The following FN1 variants were observed in gnomAD, a reference collection of about 807,000 sequenced individuals.
FN1 encodes the protein fibronectin.
A neutral mutation model predicts 297.3 loss-of-function variants in FN1; 106 were observed. The ratio of observed to expected loss-of-function variants is 0.36; its 90% CI spans 0.30 to 0.42. The LOEUF (loss-of-function observed/expected upper bound fraction) is 0.42. Ranked by LOEUF, FN1 falls within the 10% of genes least tolerant of loss-of-function variation. The pLI is 1.00. For synonymous variants in FN1, 1,149 were observed against 1,152.6 expected (o/e 1.00, Z 0.06); for missense variants, 2,690 against 3,124.9 (o/e 0.86, Z 3.32).
intron 30 of FN1, 104 bp from the exon 31 acceptor site, chr2:215,383,587 C>G: frequency 8.6e-7 from 1 of 1,158,902 alleles, no homozygotes; most frequent in Non-Finnish European, 1.3e-6. Flanking sequence ...TGATCGCTTA[C>G]ATGAGAAAGG....
chr2:215,414,901 T>C lies in FN1; in HGVS notation c.1877A>G (p.His626Arg), dbSNP rs577131778. Reference sequence around the variant, plus strand: ...CTGTGGTGCATTCCACTGGATGGGGTGGGAGTTGGGCTGACTCGGAGTCTC... The same window carrying C: ...CTGTGGTGCATTCCACTGGATGGGGCGGGAGTTGGGCTGACTCGGAGTCTC... ...ITETPSQPNS[H>R]PIQWNAPQPS... Residue 626 changes from histidine (H) to arginine (R), a missense_variant, in exon 13 of 46, where the codon CAC becomes CGC. By Grantham distance (29) the His-to-Arg change is conservative. Transcript: ENST00000354785. The C allele has an allele frequency of 6.2e-7, 1 of 1,613,752 alleles. No homozygotes were observed. The highest frequency in any genetic ancestry group is 1.3e-5 in the African/African-American group (1 of 74,966).
chr2:215,405,160 G>GATA (rs1243177048), intron 19 of FN1, among the ~76,000 whole-genome samples: 1 of 152,200 alleles, frequency 6.6e-6, no homozygotes, highest in Non-Finnish European at 1.5e-5. Context: ...TTACAGTAAT[G>GATA]ATAACGTATC....
intron 34 of FN1, 91 bp downstream of exon 34, chr2:215,379,039 G>C (rs771493888): frequency 2.7e-5 from 30 of 1,111,278 alleles, no homozygotes; most frequent in Non-Finnish European, 4.1e-5. Context: ...AGAACAGTTA[G>C]ATTTATTATG....
chr2:215,370,053 A>C (rs2055540052), intron 41 of FN1, among the ~76,000 whole-genome samples: 1 of 152,174 alleles, frequency 6.6e-6, no homozygotes. Context: ...CCAGATCTAT[A>C]ATCATATCAC....
intron 22 of FN1, among the ~76,000 whole-genome samples, 161 bp downstream of exon 22, chr2:215,397,519 A>G (rs1029534591): frequency 1.3e-5 from 2 of 152,322 alleles, no homozygotes; most frequent in Admixed American, 1.3e-4. Context: ...CATGAATTGA[A>G]CCTGCTACTC....
intron 38 of FN1, among the ~76,000 whole-genome samples, chr2:215,374,919 G>GA (rs2056988861): frequency 6.6e-6 from 1 of 152,196 alleles, no homozygotes; most frequent in African/African-American, 2.4e-5. Flanking sequence ...AGTATGCTTT[G>GA]AAAAATATCT....
chr2:215,407,257 A>G lies in FN1; in HGVS notation c.2583T>C (p.Thr861=), dbSNP rs1356758702. 1.2e-6 allele frequency: 2 copies of G among 1,614,062 alleles called. No individual in the cohort carries two copies. Among genetic ancestry groups the G allele is most frequent in the Non-Finnish European group, 1.7e-6 (2 of 1,180,008 alleles). Residue 861 remains threonine (T), a synonymous_variant, in exon 18 of 46, where the codon ACT becomes ACC. Transcript: ENST00000354785. Reference sequence around the variant, plus strand: ...AGTCACTGAGGGTGACGGAGTTTGCAGTTTCAGGAAGGTTGAGTTCTGTGC... The same window carrying G: ...AGTCACTGAGGGTGACGGAGTTTGCGGTTTCAGGAAGGTTGAGTTCTGTGC... ...GSSTELNLPE[T]ANSVTLSDLQ... is the part of the protein sequence containing the mutation.
At chr2:215,383,279 A>G (rs769831777) in intron 31 of FN1, 49 bp downstream of exon 31, 1 of 1,599,012 alleles carries the variant, frequency 6.3e-7, no homozygotes, top group Non-Finnish European at 8.6e-7. Context: ...AAGTTCTGGG[A>G]TTATAGGAGT....
At chr2:215,386,442 A>G (rs2058999149) in intron 28 of FN1, among the ~76,000 whole-genome samples, 1 of 151,948 alleles carries the variant, frequency 6.6e-6, no homozygotes, top group South Asian at 2.1e-4. Context: ...TCAGGTGAGA[A>G]ATTTCTTGAG....
At chr2:215,422,451 T>C (rs546106821) in intron 9 of FN1, among the ~76,000 whole-genome samples, 3 of 152,270 alleles carry the variant, frequency 2.0e-5, no homozygotes, top group Admixed American at 1.3e-4. Flanking sequence ...AAACGTGTCA[T>C]AGAAAATAGT....
At chr2:215,365,424 T>C (rs2054335668) in intron 43 of FN1, 81 bp downstream of exon 43, 1 of 1,460,940 alleles carries the variant, frequency 6.8e-7, no homozygotes, top group Non-Finnish European at 9.6e-7. Context: ...TCTCCAATCA[T>C]TTCTGTGAAT....
At chr2:215,377,514 A>AT (rs2057517477) in intron 35 of FN1, among the ~76,000 whole-genome samples, 1 of 151,898 alleles carries the variant, frequency 6.6e-6, no homozygotes. Context: ...CAGCCATGTG[A>AT]TGTGCCTGCT....
chr2:215,371,862 T>C (rs767902587), intron 40 of FN1, 47 bp downstream of exon 40: 2 of 1,528,698 alleles, frequency 1.3e-6, no homozygotes, highest in African/African-American at 1.4e-5. Context: ...ACCTAACTTA[T>C]TCCTTTCTGT....
At position 215,387,391 on chromosome 2, in the gene FN1, CT is replaced by C. The variant is rs1172725733; in HGVS notation, c.4343-434del. On this transcript the variant is annotated intron_variant, in intron 27 of 45. Coordinates refer to ENST00000354785, the MANE Select transcript of FN1 (RefSeq NM_212482.4). ...GCCCACTCTCAAAGTAAATGTTTGACTCTCAGAGAAGCCTCCTAAGCTCAAG... is the reference window on the plus strand; with the variant it reads ...GCCCACTCTCAAAGTAAATGTTTGACCTCAGAGAAGCCTCCTAAGCTCAAG... 4.6e-5 allele frequency among the ~76,000 whole-genome samples: 7 copies of C among 152,270 alleles called. 1 individual carries two copies. The highest frequency in any genetic ancestry group is 1.7e-4 in the African/African-American group (7 of 41,554).
intron 25 of FN1, chr2:215,392,567 A>G: frequency 3.2e-6 from 1 of 309,630 alleles, no homozygotes; most frequent in Non-Finnish European, 6.3e-6. Flanking sequence ...TTGGTGATAT[A>G]TTTCTTATAA....
intron 23 of FN1, among the ~76,000 whole-genome samples, chr2:215,394,934 C>T (rs566998497): frequency 6.6e-6 from 1 of 152,194 alleles, no homozygotes; most frequent in East Asian, 1.9e-4. Flanking sequence ...GAGACAGTCT[C>T]CCTCTATCAC....
At position 215,406,240 on chromosome 2, in the gene FN1, G is replaced by A. The variant is rs761631513; in HGVS notation, c.2984C>T (p.Thr995Ile). Residue 995 changes from threonine (T) to isoleucine (I), a missense_variant and splice_region_variant, in exon 19 of 46, where the codon ACC becomes ATC. This residue lies in a region of FN1 where 1,743 missense variants were observed against 1,945.2 expected (regional missense o/e 0.90). Coordinates refer to ENST00000354785, the MANE Select transcript of FN1 (RefSeq NM_212482.4). ...ESKPLTAQQT[T>I]KLDAPTNLQF... ...GATAGAGATAGGAGAAGACATACTGGTTGTCTGTTGAGCAGTCAGAGGCTT... is the reference window on the plus strand; with the variant it reads ...GATAGAGATAGGAGAAGACATACTGATTGTCTGTTGAGCAGTCAGAGGCTT... 28 of 1,613,976 alleles carry A rather than the reference G, an allele frequency of 1.7e-5. No homozygotes were observed. The East Asian group carries it at 5.3e-4, about 31-fold the overall frequency.
rs769887608 is a variant in FN1, at chr2:215,422,164, A to G, written c.1473T>C (p.Gly491=). The G allele has an allele frequency of 1.2e-6, 2 of 1,614,062 alleles. No homozygotes were observed. Among genetic ancestry groups the G allele is most frequent in the Admixed American group, 1.7e-5 (1 of 60,024 alleles). The change falls in exon 10 of 46, where the codon GGT becomes GGC. Residue 491 remains glycine, a synonymous_variant. Coordinates refer to ENST00000354785, the MANE Select transcript of FN1 (RefSeq NM_212482.4). ...GDQWDKQHDM[G]HMMRCTCVGN... ...CAACACACGTGCACCTCATCATGTG[A>G]CCCATGTCATGCTGCTTATCCCACT...
intron 42 of FN1, chr2:215,367,561 C>T: frequency 2.5e-6 from 1 of 403,002 alleles, no homozygotes; most frequent in East Asian, 5.7e-5. Context: ...AGACCTGGTT[C>T]CAAAAGTCTT....
Sources: allele counts gnomAD v4.1 joint callset (sites outside exome capture counted in the v4.1 genomes callset), GRCh38; gene constraint gnomAD v4.1.1; regional missense constraint gnomAD v4.1.1; transcripts MANE v1.5; gene names NCBI Gene and HGNC (gene_info 2026-07-23, HGNC 2026-07-21).